The following TMEM132C variants were observed in gnomAD, a reference collection of about 807,000 sequenced individuals.
TMEM132C encodes the protein protein phosphatase 1, regulatory subunit 152.
Under a neutral mutation model 61.4 loss-of-function variants are expected in TMEM132C, and 29 were observed. The observed-to-expected ratio is 0.47, with a 90% confidence interval of 0.35 to 0.64. TMEM132C has a LOEUF of 0.64. Among genes scored for constraint, TMEM132C ranks in the 30% least tolerant of loss-of-function variants. The probability of loss-of-function intolerance (pLI) is 0.00; values close to 1 mark genes in which losing one functional copy is unlikely to be tolerated. For missense variants in TMEM132C, 1,408 were observed against 1,476.9 expected (o/e 0.95, Z 0.76); for synonymous variants, 656 against 633.1 (o/e 1.04, Z -0.54).
chr12:128,616,244 T>C lies in TMEM132C; in HGVS notation c.1214T>C (p.Val405Ala), dbSNP rs749407361. The C allele has an allele frequency of 6.4e-7, 1 of 1,551,714 alleles. No homozygotes were observed. The highest frequency in any genetic ancestry group is 2.0e-5 in the Admixed American group (1 of 50,994). Residue 405 changes from valine to alanine, a missense_variant, in exon 4 of 9, where the codon GTG becomes GCG. Val to Ala is a moderately conservative substitution (Grantham distance 64). Transcript: ENST00000435159. ...GGGACTCAGCCCATCACGTGGCAGG[T>C]GGAGTACCCACGGAAGGGGACCACA... ...LSGTQPITWQ[V>A]EYPRKGTTDI...
chr12:128,602,253 G>C (rs932709743), intron 3 of TMEM132C, among the ~76,000 whole-genome samples: 1 of 152,156 alleles, frequency 6.6e-6, no homozygotes, highest in Admixed American at 6.5e-5. Context: ...GCTTACCAAC[G>C]CATGAGTGTA....
chr12:128,481,944 G>A (rs999570096), intron 2 of TMEM132C, among the ~76,000 whole-genome samples: 6 of 152,106 alleles, frequency 3.9e-5, no homozygotes, highest in Admixed American at 2.0e-4. Context: ...CACACATGAG[G>A]GCCATTTGTC....
At chr12:128,458,209 T>C (rs1347514863) in intron 2 of TMEM132C, among the ~76,000 whole-genome samples, 4 of 148,068 alleles carry the variant, frequency 2.7e-5, no homozygotes, top group Non-Finnish European at 4.5e-5. Flanking sequence ...ATTATAATTA[T>C]ATAATTATAA....
At chr12:128,666,217 C>A (rs1287509520) in intron 4 of TMEM132C, among the ~76,000 whole-genome samples, 6 of 103,080 alleles carry the variant, frequency 5.8e-5, no homozygotes, top group Admixed American at 4.0e-4. Flanking sequence ...AAACAGGCAC[C>A]CACACACACA....
intron 2 of TMEM132C, among the ~76,000 whole-genome samples, chr12:128,427,088 T>C (rs7961239): frequency 2.6e-5 from 4 of 152,202 alleles, no homozygotes; most frequent in African/African-American, 9.6e-5. Context: ...CTAAGGCATC[T>C]TTAGAGTCCC....
intron 2 of TMEM132C, among the ~76,000 whole-genome samples, chr12:128,531,537 A>G (rs1386611052): frequency 6.6e-6 from 1 of 152,232 alleles, no homozygotes; most frequent in Non-Finnish European, 1.5e-5. Flanking sequence ...CTTCACACAT[A>G]CACACATGCA....
intron 1 of TMEM132C, among the ~76,000 whole-genome samples, chr12:128,343,925 A>T (rs1873062583): frequency 6.6e-6 from 1 of 152,200 alleles, no homozygotes. Context: ...TTTGTGAATT[A>T]ATTTCATTTA....
chr12:128,589,506 T>A (rs10744381), intron 3 of TMEM132C, among the ~76,000 whole-genome samples: 5 of 135,596 alleles, frequency 3.7e-5, no homozygotes, highest in East Asian at 2.2e-4. Context: ...CACCTCCCCC[T>A]CCCCACAGCC....
chr12:128,295,731 C>CAG (rs1167961648), intron 1 of TMEM132C, among the ~76,000 whole-genome samples: 3 of 150,926 alleles, frequency 2.0e-5, no homozygotes, highest in Non-Finnish European at 2.9e-5. Context: ...GCTCAGTGAT[C>CAG]AGAGACCAGT....
intron 1 of TMEM132C, among the ~76,000 whole-genome samples, chr12:128,351,086 A>C (rs895008774): frequency 6.6e-6 from 1 of 152,158 alleles, no homozygotes; most frequent in African/African-American, 2.4e-5. Flanking sequence ...TCTCTTATTT[A>C]AGCCTGTGCT....
chr12:128,546,721 G>A (rs1454718415), intron 3 of TMEM132C, among the ~76,000 whole-genome samples: 1 of 152,344 alleles, frequency 6.6e-6, no homozygotes, highest in South Asian at 2.1e-4. Context: ...ATTGGGTGGA[G>A]TCACCATGCC....
At chr12:128,681,811 G>A (rs953088281) in intron 5 of TMEM132C, among the ~76,000 whole-genome samples, 7 of 137,320 alleles carry the variant, frequency 5.1e-5, no homozygotes, top group Non-Finnish European at 7.7e-5. Flanking sequence ...GCGCTACCAC[G>A]CCTGGATTTT....
intron 2 of TMEM132C, among the ~76,000 whole-genome samples, chr12:128,429,140 G>C (rs936000853): frequency 7.2e-5 from 11 of 152,088 alleles, no homozygotes; most frequent in Non-Finnish European, 1.5e-5. Flanking sequence ...CAGGGGAAGA[G>C]TTTTACCTAA....
intron 1 of TMEM132C, among the ~76,000 whole-genome samples, chr12:128,337,985 T>C (rs1683179485): frequency 6.6e-6 from 1 of 152,108 alleles, no homozygotes; most frequent in Non-Finnish European, 1.5e-5. Flanking sequence ...GTGATGTTCC[T>C]GAAACAGGAA....
chr12:128,376,482 A>G (rs1269388520), intron 1 of TMEM132C, among the ~76,000 whole-genome samples: 2 of 152,232 alleles, frequency 1.3e-5, no homozygotes, highest in African/African-American at 2.4e-5. Context: ...GAATCATGAT[A>G]TATTTATTAC....
At chr12:128,561,327 A>C (rs1874511194) in intron 3 of TMEM132C, among the ~76,000 whole-genome samples, 1 of 152,174 alleles carries the variant, frequency 6.6e-6, no homozygotes, top group Admixed American at 6.5e-5. Context: ...TTATTTTTTC[A>C]TGCCAGGCTG....
intron 1 of TMEM132C, among the ~76,000 whole-genome samples, chr12:128,388,639 G>A (rs553754308): frequency 1.3e-5 from 2 of 152,248 alleles, no homozygotes; most frequent in Non-Finnish European, 2.9e-5. Flanking sequence ...TGTGTTCCGG[G>A]TGAGAGAGGG....
At chr12:128,651,180 G>T (rs921904700) in intron 4 of TMEM132C, among the ~76,000 whole-genome samples, 4 of 152,202 alleles carry the variant, frequency 2.6e-5, no homozygotes, top group African/African-American at 9.7e-5. Flanking sequence ...ATCTCCTGTT[G>T]CCCAAGCCCA....
At chr12:128,534,979 T>G (rs987927059) in intron 2 of TMEM132C, among the ~76,000 whole-genome samples, 2 of 152,208 alleles carry the variant, frequency 1.3e-5, no homozygotes, top group African/African-American at 4.8e-5. Flanking sequence ...AAAGCCAATT[T>G]CAAGCCAAGT....
Sources: gnomAD v4.1 joint callset for allele counts (sites outside exome capture counted in the v4.1 genomes callset) on GRCh38, gnomAD v4.1.1 for gene constraint, MANE v1.5 for transcripts, NCBI Gene and HGNC (gene_info 2026-07-23, HGNC 2026-07-21) for gene names.